Variants in HMGCLL1 observed in about 807,000 individuals in gnomAD.
HMGCLL1 encodes 3-hydroxy-3-methylglutaryl-CoA lyase like 1, also known as 3-hydroxymethyl-3-methylglutaryl-CoA lyase, cytoplasmic.
A neutral mutation model predicts 39.1 loss-of-function variants in HMGCLL1; 36 were observed. The observed-to-expected ratio is 0.92, with a 90% CI of 0.71 to 1.22. HMGCLL1 has a LOEUF of 1.22. Among genes scored for constraint, HMGCLL1 ranks in the 50% most tolerant of loss-of-function variants. The probability of loss-of-function intolerance (pLI) is 0.00; values close to 1 mark genes in which losing one functional copy is unlikely to be tolerated. For missense variants in HMGCLL1, 451 were observed against 416.5 expected, an observed-to-expected ratio of 1.08 and a Z score of -0.72; for synonymous variants, 149 against 144.0, an observed-to-expected ratio of 1.03 and a Z score of -0.25.
chr6:55,621,402 G>A, the HMGCLL1 span, among the ~76,000 whole-genome samples: 1 of 152,148 alleles, frequency 6.6e-6, no homozygotes, highest in African/African-American at 2.4e-5. Context: ...GTGGGTGAGT[G>A]AGCAAAGATT....
At chr6:55,611,944 G>A in the HMGCLL1 span, among the ~76,000 whole-genome samples, 2 of 152,168 alleles carry the variant, frequency 1.3e-5, no homozygotes, top group Non-Finnish European at 2.9e-5. Flanking sequence ...AGTATTGGAA[G>A]TCCTGGCCAG....
the HMGCLL1 span, among the ~76,000 whole-genome samples, chr6:55,626,063 G>A: frequency 6.6e-6 from 1 of 152,232 alleles, no homozygotes; most frequent in African/African-American, 2.4e-5. Flanking sequence ...GGCCACTGCT[G>A]AGTGCCTAAT....
rs1241856829 is a variant in HMGCLL1 at position 55,541,715 on chromosome 6, G to T, written c.297+14C>A. ...TGAATTAGGATCTAATTAAGAAATT[G>T]TGGGTTTACATACCTGTGGTACCCA... On this transcript the variant is annotated intron_variant, in intron 3 of 8. Coordinates refer to ENST00000274901, the MANE Select transcript of HMGCLL1 (RefSeq NM_001042406.2). 5.3e-6 allele frequency: 7 copies of T among 1,318,006 alleles called. No homozygotes were observed. The highest frequency in any genetic ancestry group is 7.5e-6 in the Non-Finnish European group (7 of 937,822). 81.6% of individuals were successfully genotyped at this position (1,318,006 alleles called of 1,614,324 possible). A position where few individuals can be genotyped will look rare whatever the true frequency, so the allele number is the denominator to read the frequency against.
intron 7 of HMGCLL1, among the ~76,000 whole-genome samples, chr6:55,492,192 A>T (rs367905886): frequency 6.6e-6 from 1 of 152,202 alleles, no homozygotes; most frequent in African/African-American, 2.4e-5. Flanking sequence ...ACTAGAAGCC[A>T]CTTCAAAGAT....
the HMGCLL1 span, among the ~76,000 whole-genome samples, chr6:55,642,606 C>G: frequency 6.6e-6 from 1 of 151,982 alleles, no homozygotes; most frequent in Non-Finnish European, 1.5e-5. Context: ...TACAAACAAT[C>G]CAATTATACC....
chr6:55,497,281 C>T (rs1766631195), intron 6 of HMGCLL1, among the ~76,000 whole-genome samples: 1 of 151,714 alleles, frequency 6.6e-6, no homozygotes, highest in Non-Finnish European at 1.5e-5. Flanking sequence ...AACAAAACAC[C>T]TTCTTTTAGC....
chr6:55,644,734 T>C, the HMGCLL1 span, among the ~76,000 whole-genome samples: 21 of 152,058 alleles, frequency 1.4e-4, no homozygotes, highest in African/African-American at 5.1e-4. Flanking sequence ...TTCTGGGTTT[T>C]CTATTCTGTT....
At chr6:55,669,660 G>A in the HMGCLL1 span, among the ~76,000 whole-genome samples, 1 of 151,500 alleles carries the variant, frequency 6.6e-6, no homozygotes, top group African/African-American at 2.4e-5. Context: ...AATAAAAGAG[G>A]CAAAGAAGAA....
At chr6:55,669,954 T>G in the HMGCLL1 span, among the ~76,000 whole-genome samples, 1 of 151,840 alleles carries the variant, frequency 6.6e-6, no homozygotes, top group Non-Finnish European at 1.5e-5. Context: ...CAGCTAAAAA[T>G]GTTCTAAATT....
At chr6:55,514,883 C>T (rs1414610096) in intron 4 of HMGCLL1, among the ~76,000 whole-genome samples, 1 of 152,088 alleles carries the variant, frequency 6.6e-6, no homozygotes, top group Non-Finnish European at 1.5e-5. Context: ...AGTCATTCAG[C>T]TGGATGTTTA....
At chr6:55,475,061 T>C (rs1169171503) in intron 7 of HMGCLL1, among the ~76,000 whole-genome samples, 1 of 151,572 alleles carries the variant, frequency 6.6e-6, no homozygotes, top group Non-Finnish European at 1.5e-5. Context: ...TTTTAAATGT[T>C]GACCTTCCCA....
At chr6:55,652,508 G>A in the HMGCLL1 span, among the ~76,000 whole-genome samples, 15 of 152,218 alleles carry the variant, frequency 9.9e-5, no homozygotes, top group African/African-American at 3.1e-4. Flanking sequence ...TATGAGAATA[G>A]AGAATAGAAT....
At chr6:55,655,219 G>A in the HMGCLL1 span, among the ~76,000 whole-genome samples, 3 of 151,450 alleles carry the variant, frequency 2.0e-5, no homozygotes, top group South Asian at 2.1e-4. Context: ...CATTTTAGTC[G>A]ATAGACTTTC....
At chr6:55,437,344 A>G (rs1763412217) in intron 8 of HMGCLL1, among the ~76,000 whole-genome samples, 1 of 151,944 alleles carries the variant, frequency 6.6e-6, no homozygotes, top group African/African-American at 2.4e-5. Flanking sequence ...ATTCTGTACC[A>G]TAGTTAAAGC....
chr6:55,610,615 G>A, the HMGCLL1 span, among the ~76,000 whole-genome samples: 2 of 152,058 alleles, frequency 1.3e-5, no homozygotes, highest in Non-Finnish European at 2.9e-5. Context: ...CACACTTCAG[G>A]ATATCATTCA....
At chr6:55,627,161 G>C in the HMGCLL1 span, among the ~76,000 whole-genome samples, 1 of 151,768 alleles carries the variant, frequency 6.6e-6, no homozygotes, top group Non-Finnish European at 1.5e-5. Flanking sequence ...CTATGACCAC[G>C]TGACCAGCTG....
At chr6:55,595,086 A>G in the HMGCLL1 span, among the ~76,000 whole-genome samples, 3 of 152,176 alleles carry the variant, frequency 2.0e-5, no homozygotes, top group African/African-American at 4.8e-5. Flanking sequence ...TAAGTTCTCA[A>G]TTTCCATTTC....
intron 3 of HMGCLL1, among the ~76,000 whole-genome samples, chr6:55,531,789 C>A (rs1011792688): frequency 1.3e-5 from 2 of 152,116 alleles, no homozygotes; most frequent in African/African-American, 4.8e-5. Flanking sequence ...GGAGTGCATG[C>A]AAGGGATCTA....
chr6:55,547,206 T>C (rs1405485123), intron 1 of HMGCLL1, among the ~76,000 whole-genome samples: 1 of 152,104 alleles, frequency 6.6e-6, no homozygotes, highest in African/African-American at 2.4e-5. Flanking sequence ...CATTCTTTTA[T>C]ACAGAACATA....
Sources: allele counts gnomAD v4.1 joint callset (sites outside exome capture counted in the v4.1 genomes callset), GRCh38; gene constraint gnomAD v4.1.1; transcripts MANE v1.5; gene names NCBI Gene and HGNC (gene_info 2026-07-23, HGNC 2026-07-21).